Variants in DYM observed in about 807,000 individuals in gnomAD.
DYM encodes the protein dyggve-Melchior-Clausen syndrome protein.
Under a neutral mutation model 93.1 loss-of-function variants are expected in DYM, and 78 were observed. That is an observed-to-expected ratio of 0.84 (90% CI 0.70 to 1.01). The LOEUF is 1.01. DYM is among the 50% of genes least tolerant of loss of function. DYM has a pLI of 0.00. For synonymous variants in DYM, 321 were observed against 319.7 expected, an observed-to-expected ratio of 1.00 and a Z score of -0.04; for missense variants, 789 against 845.0, an observed-to-expected ratio of 0.93 and a Z score of 0.82.
intron 14 of DYM, among the ~76,000 whole-genome samples, chr18:49,204,630 T>G (rs2145983199): frequency 6.6e-6 from 1 of 152,260 alleles, no homozygotes; most frequent in East Asian, 1.9e-4. Flanking sequence ...GTCAGATTCT[T>G]TCCTCTCAGA....
chr18:49,240,581 G>C (rs1230177298), intron 13 of DYM, among the ~76,000 whole-genome samples: 2 of 152,130 alleles, frequency 1.3e-5, no homozygotes, highest in Non-Finnish European at 2.9e-5. Context: ...TAAATTATTA[G>C]GAAGTTGTCA....
At chr18:49,260,313 C>T (rs766719467) in intron 11 of DYM, among the ~76,000 whole-genome samples, 2 of 152,076 alleles carry the variant, frequency 1.3e-5, no homozygotes, top group African/African-American at 4.8e-5. Context: ...AGCCAGGAGG[C>T]GAAGGTTGTA....
intron 8 of DYM, among the ~76,000 whole-genome samples, chr18:49,304,772 G>A (rs1277645242): frequency 6.6e-6 from 1 of 151,862 alleles, no homozygotes; most frequent in Non-Finnish European, 1.5e-5. Context: ...CTGATAATCT[G>A]AGCACCTAGC....
At chr18:49,457,188 T>A (rs1362708549) in intron 1 of DYM, among the ~76,000 whole-genome samples, 1 of 152,166 alleles carries the variant, frequency 6.6e-6, no homozygotes, top group African/African-American at 2.4e-5. Flanking sequence ...CTGAAGATAT[T>A]CTCTCACTTT....
At chr18:49,371,817 A>C (rs750768451) in intron 5 of DYM, among the ~76,000 whole-genome samples, 2 of 152,208 alleles carry the variant, frequency 1.3e-5, no homozygotes, top group Non-Finnish European at 2.9e-5. Context: ...TCTCCCTAAC[A>C]ATCTGCTACC....
intron 15 of DYM, among the ~76,000 whole-genome samples, chr18:49,127,144 C>G (rs2082906642): frequency 6.6e-6 from 1 of 152,188 alleles, no homozygotes; most frequent in African/African-American, 2.4e-5. Context: ...GTCCTTACAG[C>G]TTCTGTAACA....
At chr18:49,407,811 C>T (rs2071685501) in intron 2 of DYM, among the ~76,000 whole-genome samples, 1 of 152,174 alleles carries the variant, frequency 6.6e-6, no homozygotes, top group Admixed American at 6.5e-5. Flanking sequence ...TGTCAGTTTC[C>T]TATTTTTGAT....
chr18:49,374,218 C>T (rs571819541), intron 5 of DYM, among the ~76,000 whole-genome samples: 73 of 152,242 alleles, frequency 4.8e-4, no homozygotes, highest in African/African-American at 1.7e-3. Flanking sequence ...AAGTATATAA[C>T]ATTCAAAATA....
chr18:49,046,125 C>A (rs1047719825), intron 17 of DYM, among the ~76,000 whole-genome samples: 2 of 151,336 alleles, frequency 1.3e-5, no homozygotes, highest in African/African-American at 4.9e-5. Flanking sequence ...CCCAAATACA[C>A]ACCACTCACA....
intron 13 of DYM, among the ~76,000 whole-genome samples, chr18:49,234,021 C>G (rs894012353): frequency 3.9e-5 from 6 of 151,948 alleles, no homozygotes; most frequent in African/African-American, 1.5e-4. Context: ...CCCAGCTACT[C>G]GGGAGGCTGA....
intron 17 of DYM, among the ~76,000 whole-genome samples, chr18:49,096,317 G>A (rs1267866188): frequency 6.6e-6 from 1 of 152,156 alleles, no homozygotes; most frequent in East Asian, 1.9e-4. Context: ...TGATTATGAT[G>A]ACTAATGTGC....
rs1201370040 is a variant in DYM at position 49,399,934 on chromosome 18, C to CTTTT, written c.141-8293_141-8290dup. ...TTAAAAGACATTTATTTTTATTTTT[C>CTTTT]TTTTTTTTTTTTTTTTTTTTTTTTT... On this transcript the variant is annotated intron_variant, in intron 2 of 17. Coordinates refer to ENST00000675505, the MANE Select transcript of DYM (RefSeq NM_001353214.3). Among the ~76,000 whole-genome samples, 208 of 66,124 alleles carry CTTTT rather than the reference C, an allele frequency of 3.1e-3. 2 individuals are homozygous for CTTTT. The highest frequency in any genetic ancestry group is 4.3e-3 in the Non-Finnish European group (158 of 36,426). 43.4% of individuals were successfully genotyped at this position (66,124 alleles called of 152,430 possible).
At chr18:49,294,792 A>G (rs1211661803) in intron 8 of DYM, among the ~76,000 whole-genome samples, 2 of 152,172 alleles carry the variant, frequency 1.3e-5, no homozygotes, top group Non-Finnish European at 2.9e-5. Context: ...ACTATACCAA[A>G]AAAAAAGATA....
At chr18:49,150,205 TTAAC>T (rs1349152912) in intron 15 of DYM, among the ~76,000 whole-genome samples, 1 of 152,236 alleles carries the variant, frequency 6.6e-6, no homozygotes, top group Non-Finnish European at 1.5e-5. Flanking sequence ...CTGGAATTCA[TTAAC>T]TAGTATGAAA....
chr18:49,287,179 T>G (rs2059720452), intron 8 of DYM, among the ~76,000 whole-genome samples: 1 of 151,956 alleles, frequency 6.6e-6, no homozygotes, highest in African/African-American at 2.4e-5. Flanking sequence ...AGAGTGAGAC[T>G]CATCTCAAAA....
rs73441513 is a variant in DYM, at chr18:49,101,689, A to G, written c.1912-4174T>C. On this transcript the variant is annotated intron_variant, in intron 16 of 17. Transcript: ENST00000675505. Reference sequence around the variant, plus strand: ...TTTTTTAAGACAACGATAAACATGTAAAATACATATATATTTCCTCATTGA... The same window carrying G: ...TTTTTTAAGACAACGATAAACATGTGAAATACATATATATTTCCTCATTGA... 2.3e-3 allele frequency among the ~76,000 whole-genome samples: 345 copies of G among 152,286 alleles called. 2 individuals carry two copies. Among genetic ancestry groups the G allele is most frequent in the African/African-American group, 8.0e-3 (333 of 41,560 alleles).
intron 13 of DYM, among the ~76,000 whole-genome samples, chr18:49,215,952 GCCTCACTCGGGAAGC>G (rs71165371): frequency 0.17 from 26,193 of 152,210 alleles, 2,490 homozygotes; most frequent in Admixed American, 0.24. Context: ...GCGAGGCATT[GCCTCACTCGGGAAGC>G]GCAAGGGGTC....
At position 49,240,428 on chromosome 18, in the gene DYM, C is replaced by T. The variant is rs1056032737; in HGVS notation, c.1460+16582G>A. ...AACACATTACATGTTAACATTAATA[C>T]AGTTAATGAAAAAGCCCCTTTAGTC... On this transcript the variant is annotated intron_variant, in intron 13 of 17. Transcript: ENST00000675505. Among the ~76,000 whole-genome samples the T allele has an allele frequency of 3.3e-5, 5 of 152,040 alleles. 1 individual carries two copies. Among genetic ancestry groups the T allele is most frequent in the African/African-American group, 1.2e-4 (5 of 41,394 alleles).
Position 49,162,436 on chromosome 18 carries a change from C to A in DYM, c.1728+1249G>T, listed in dbSNP as rs1226009169. On this transcript the variant is annotated intron_variant, in intron 15 of 17. Coordinates refer to ENST00000675505, the MANE Select transcript of DYM (RefSeq NM_001353214.3). ...TGCATGCTAACATGCTAGCTCAAGT[C>A]TCTCTTCCTCTTCTTATAAAGCTAC... 3.9e-5 allele frequency among the ~76,000 whole-genome samples: 6 copies of A among 152,288 alleles called. No individual in the cohort carries two copies. In the East Asian group the frequency reaches 1.2e-3, roughly 29 times the overall value.
Sources: allele counts gnomAD v4.1 joint callset (sites outside exome capture counted in the v4.1 genomes callset), GRCh38; gene constraint gnomAD v4.1.1; transcripts MANE v1.5; gene names NCBI Gene and HGNC (gene_info 2026-07-23, HGNC 2026-07-21).